The following SOX5 variants were observed in gnomAD, a reference collection of about 807,000 sequenced individuals.
SOX5 encodes SRY-box transcription factor 5.
Under a neutral mutation model 92.0 loss-of-function variants are expected in SOX5, and 9 were observed. The observed-to-expected ratio is 0.10, with a 90% CI of 0.06 to 0.17. The LOEUF is 0.17. Ranked by LOEUF, SOX5 falls within the 10% of genes least tolerant of loss-of-function variation. The pLI is 1.00. For synonymous variants in SOX5, 344 were observed against 336.3 expected (o/e 1.02, Z -0.25); for missense variants, 642 against 944.5 (o/e 0.68, Z 4.20).
chr12:24,012,028 T>G lies in SOX5; in HGVS notation c.-1-116004A>C, dbSNP rs183140519. ...ATTTTATTCAACAGTTAGAGGTCCA[T>G]GCGTTCTTTAGCCACAGATCACTTT... On this transcript the variant is annotated intron_variant, in intron 4 of 4. Coordinates refer to the SOX5 transcript ENST00000446891. 3.9e-5 allele frequency among the ~76,000 whole-genome samples: 6 copies of G among 152,334 alleles called. No homozygotes were observed. The East Asian group carries it at 1.2e-3, about 29-fold the overall frequency.
At chr12:24,547,099 A>G (rs1048110988) in intron 1 of SOX5, among the ~76,000 whole-genome samples, 1 of 152,160 alleles carries the variant, frequency 6.6e-6, no homozygotes, top group Non-Finnish European at 1.5e-5. Context: ...GAGAAAAAAA[A>G]TGTGTGGTTT....
chr12:24,068,704 G>GTGTGTATA (rs1444359956), intron 4 of SOX5, among the ~76,000 whole-genome samples: 4 of 74,320 alleles, frequency 5.4e-5, no homozygotes, highest in African/African-American at 5.6e-5. Context: ...GTGTGTGTGT[G>GTGTGTATA]TATATATATA....
chr12:24,037,420 G>C (rs78894933), intron 4 of SOX5, among the ~76,000 whole-genome samples: 1,634 of 152,192 alleles, frequency 0.011, 11 homozygotes, highest in Non-Finnish European at 0.018. Context: ...CAATCATTAT[G>C]TGAACCAAGG....
chr12:23,541,092 AT>A (rs1312906442), intron 13 of SOX5, among the ~76,000 whole-genome samples: 1 of 152,178 alleles, frequency 6.6e-6, no homozygotes, highest in Admixed American at 6.5e-5. Flanking sequence ...ATTAGGCAGT[AT>A]TCTCTTTCAT....
intron 9 of SOX5, among the ~76,000 whole-genome samples, chr12:23,578,144 A>AAAAAAAAAAAAAAAAAG (rs1432589481): frequency 3.0e-5 from 4 of 134,906 alleles, no homozygotes; most frequent in Non-Finnish European, 4.9e-5. Context: ...AAAAAAAAAA[A>AAAAAAAAAAAAAAAAAG]AAAAAACTAT....
chr12:23,738,820 G>A (rs2093695322), intron 5 of SOX5, among the ~76,000 whole-genome samples: 1 of 152,090 alleles, frequency 6.6e-6, no homozygotes, highest in East Asian at 1.9e-4. Flanking sequence ...GAGAGTTAAG[G>A]ACAAGAAAAG....
At chr12:24,255,684 GT>G (rs1451298242) in intron 3 of SOX5, among the ~76,000 whole-genome samples, 1 of 152,144 alleles carries the variant, frequency 6.6e-6, no homozygotes, top group Non-Finnish European at 1.5e-5. Flanking sequence ...AAAATGCTCT[GT>G]GATCTTTAAT....
intron 12 of SOX5, among the ~76,000 whole-genome samples, 159 bp downstream of exon 12, chr12:23,546,157 C>G (rs898888217): frequency 6.6e-6 from 1 of 152,132 alleles, no homozygotes; most frequent in African/African-American, 2.4e-5. Context: ...AAGCACTCAG[C>G]AGAGTGCTTG....
intron 4 of SOX5, among the ~76,000 whole-genome samples, chr12:24,054,972 A>AT (rs1440242172): frequency 3.3e-5 from 5 of 151,940 alleles, no homozygotes; most frequent in Non-Finnish European, 7.4e-5. Context: ...TGGGGGAGAG[A>AT]TTTTTTCCTG....
intron 8 of SOX5, among the ~76,000 whole-genome samples, chr12:23,624,085 A>G (rs1300094011): frequency 6.6e-6 from 1 of 152,152 alleles, no homozygotes; most frequent in Non-Finnish European, 1.5e-5. Flanking sequence ...AAAATCAGAT[A>G]TGGAAGGCCA....
intron 1 of SOX5, among the ~76,000 whole-genome samples, chr12:23,942,257 A>G (rs1943786074): frequency 6.6e-6 from 1 of 151,848 alleles, no homozygotes; most frequent in African/African-American, 2.4e-5. Context: ...TATTAGATAA[A>G]TATAAAATAG....
At chr12:23,837,141 A>T (rs1594900424) in intron 3 of SOX5, among the ~76,000 whole-genome samples, 1 of 145,570 alleles carries the variant, frequency 6.9e-6, no homozygotes, top group African/African-American at 2.5e-5. Flanking sequence ...ATTGAAGCCA[A>T]TGTAGCTTAC....
chr12:23,927,518 C>T (rs1416897507), intron 1 of SOX5, among the ~76,000 whole-genome samples: 1 of 151,902 alleles, frequency 6.6e-6, no homozygotes, highest in Non-Finnish European at 1.5e-5. Flanking sequence ...ATATATTTTC[C>T]ATAATTAGTG....
chr12:24,123,547 T>C (rs575696705), intron 4 of SOX5, among the ~76,000 whole-genome samples: 4 of 152,194 alleles, frequency 2.6e-5, no homozygotes, highest in Admixed American at 6.5e-5. Flanking sequence ...CCAACCATCA[T>C]GTAGTTGAAA....
intron 1 of SOX5, among the ~76,000 whole-genome samples, chr12:24,416,713 C>G (rs764077584): frequency 6.6e-6 from 1 of 152,080 alleles, no homozygotes; most frequent in Non-Finnish European, 1.5e-5. Context: ...GTACTTTGAG[C>G]GATGATAGTC....
chr12:23,805,885 T>A (rs1225573659), intron 3 of SOX5, among the ~76,000 whole-genome samples: 1 of 152,206 alleles, frequency 6.6e-6, no homozygotes, highest in Non-Finnish European at 1.5e-5. Context: ...AATTTTGGTA[T>A]GTGCCCAATT....
At chr12:23,583,263 T>C (rs1182935011) in intron 9 of SOX5, among the ~76,000 whole-genome samples, 1 of 152,092 alleles carries the variant, frequency 6.6e-6, no homozygotes, top group Non-Finnish European at 1.5e-5. Flanking sequence ...ATCTTACTTT[T>C]TATTTCCAAA....
intron 6 of SOX5, among the ~76,000 whole-genome samples, chr12:23,681,162 C>T (rs534621026): frequency 1.2e-3 from 181 of 151,950 alleles, no homozygotes; most frequent in Non-Finnish European, 2.0e-3. Context: ...CTAGGGAGTG[C>T]TATGGTTATT....
intron 3 of SOX5, among the ~76,000 whole-genome samples, chr12:24,269,195 GATAA>G: frequency 6.6e-6 from 1 of 152,278 alleles, no homozygotes; most frequent in Non-Finnish European, 1.5e-5. Flanking sequence ...GATTGGATTT[GATAA>G]ATAGTTAAAG....
Sources: allele counts gnomAD v4.1 joint callset (sites outside exome capture counted in the v4.1 genomes callset), GRCh38; gene constraint gnomAD v4.1.1; transcripts MANE v1.5; gene names NCBI Gene and HGNC (gene_info 2026-07-23, HGNC 2026-07-21).